PKD1L3: variants seen among roughly 807,000 people sequenced by gnomAD.
PKD1L3 encodes the protein polycystin-1-like protein 3.
PKD1L3 carries 239 observed loss-of-function variants against 184.1 expected under a neutral mutation model. The observed-to-expected ratio is 1.30, with a 90% CI of 1.17 to 1.45. The LOEUF is 1.45. Ranked by LOEUF, PKD1L3 falls within the 40% of genes most tolerant of loss-of-function variation. PKD1L3 has a pLI of 0.00. For missense variants in PKD1L3, 2,660 were observed against 2,067.2 expected (o/e 1.29, Z -5.56); for synonymous variants, 996 against 778.8 (o/e 1.28, Z -4.64).
At chr16:71,945,396 ATATTTATTTATT>A (rs58831890) in intron 22 of PKD1L3, among the ~76,000 whole-genome samples, 3,772 of 41,668 alleles carry the variant, frequency 0.091, 371 homozygotes, top group East Asian at 0.53. Flanking sequence ...ATATATATAT[ATATTTATTTATT>A]TATTTATTTA....
chr16:71,976,771 C>A (rs1001811248), intron 11 of PKD1L3, among the ~76,000 whole-genome samples: 2 of 152,170 alleles, frequency 1.3e-5, no homozygotes, highest in Non-Finnish European at 2.9e-5. Context: ...GAGACGGAGT[C>A]TGTCTCTGTC....
In PKD1L3 at chr16:71,967,157, A is replaced by T. The variant is rs1567523404; in HGVS notation, c.2445T>A (p.Asn815Lys). Residue 815 changes from asparagine (N) to lysine (K), a missense_variant, in exon 15 of 30, where the codon AAT becomes AAA. Physicochemically the swap from Asn to Lys is moderately conservative, Grantham distance 94. Transcript: ENST00000620267. ...CTCACCAGGAGGGACTGACGCCAGAATTGTCATGCCAGAGCCGAAGGCTGT... is the reference window on the plus strand; with the variant it reads ...CTCACCAGGAGGGACTGACGCCAGATTTGTCATGCCAGAGCCGAAGGCTGT... ...NLHSLRLWHD[N>K]SGVSPSWYVS... 1.3e-6 allele frequency: 2 copies of T among 1,551,674 alleles called. No homozygotes were observed. The highest frequency in any genetic ancestry group is 8.7e-7 in the Non-Finnish European group (1 of 1,146,924).
intron 12 of PKD1L3, among the ~76,000 whole-genome samples, chr16:71,971,362 AC>A (rs903542618): frequency 3.9e-5 from 6 of 152,306 alleles, no homozygotes; most frequent in Middle Eastern, 3.4e-3. Context: ...CATGGAAGCT[AC>A]CAATTCTGTG....
At chr16:71,991,156 G>C in intron 3 of PKD1L3, 1 of 184,336 alleles carries the variant, frequency 5.4e-6, no homozygotes, top group East Asian at 1.4e-4. Flanking sequence ...GTTCCTTACA[G>C]ACCCAGCATG....
intron 23 of PKD1L3, among the ~76,000 whole-genome samples, chr16:71,943,558 A>AAAAAC (rs1555514236): frequency 5.3e-5 from 8 of 151,154 alleles, no homozygotes; most frequent in African/African-American, 1.7e-4. Context: ...AAAAAAAAAA[A>AAAAAC]CATAAAATCC....
At chr16:71,977,209 A>T in intron 11 of PKD1L3, 27 bp downstream of exon 11, 1 of 1,455,510 alleles carries the variant, frequency 6.9e-7, no homozygotes, top group Non-Finnish European at 9.4e-7. Flanking sequence ...AATCAAAGTA[A>T]GTTTCTGACA....
chr16:71,963,207 A>G lies in PKD1L3; in HGVS notation c.2610T>C (p.Phe870=). 1 of 1,548,476 alleles carries G rather than the reference A, an allele frequency of 6.5e-7. No homozygotes were observed. The highest frequency in any genetic ancestry group is 8.7e-7 in the Non-Finnish European group (1 of 1,145,518). Reference sequence around the variant, plus strand: ...TAATAGTAATTTTCCAACAGTACCTAAAGGAAAAGAGCTCTCTCTTTGAAA... The same window carrying G: ...TAATAGTAATTTTCCAACAGTACCTGAAGGAAAAGAGCTCTCTCTTTGAAA... ...IPVSKRELFS[F]RHLFSSMIVE... is the part of the protein sequence containing the mutation. The change falls in exon 16 of 30, where the codon TTT becomes TTC. Residue 870 remains phenylalanine, a splice_region_variant and synonymous_variant. Transcript: ENST00000620267.
chr16:71,973,031 T>C (rs1256491753), intron 12 of PKD1L3, among the ~76,000 whole-genome samples: 1 of 152,218 alleles, frequency 6.6e-6, no homozygotes, highest in Non-Finnish European at 1.5e-5. Flanking sequence ...ATTTAATACT[T>C]GTAGAATTTT....
chr16:71,967,853 G>C, intron 14 of PKD1L3, 53 bp downstream of exon 14: 2 of 1,418,382 alleles, frequency 1.4e-6, no homozygotes, highest in South Asian at 1.3e-5. Flanking sequence ...CTCAGAGTGT[G>C]TCTCATGTGG....
chr16:71,993,170 A>G (rs2040656137), intron 3 of PKD1L3, 46 bp downstream of exon 3: 3 of 1,340,486 alleles, frequency 2.2e-6, no homozygotes, highest in Non-Finnish European at 3.1e-6. Context: ...TTTAGCAGAA[A>G]TTGATTCCAC....
At chr16:71,977,560 C>CT (rs1555523481) in intron 10 of PKD1L3, 93 bp from the exon 11 acceptor site, 33,716 of 535,234 alleles carry the variant, frequency 0.063, 720 homozygotes, top group South Asian at 0.095. Context: ...CGTCCTAGCT[C>CT]TTTTTTTTTT....
rs774672455 is a variant in PKD1L3 at position 71,962,643 on chromosome 16, C to T, written c.2612+562G>A. Among the ~76,000 whole-genome samples, 8 of 152,128 alleles carry T rather than the reference C, an allele frequency of 5.3e-5. No individual in the cohort carries two copies. The East Asian group carries it at 7.8e-4, about 15-fold the overall frequency. On this transcript the variant is annotated intron_variant, in intron 16 of 29. Transcript: ENST00000620267. ...CTGGGATCACAGGTGTGCACCACCA[C>T]GCCTGGCTAATTTTTGTATTTTTAG...
At chr16:71,990,787 TATG>T (rs1351741470) in intron 3 of PKD1L3, among the ~76,000 whole-genome samples, 2 of 147,874 alleles carry the variant, frequency 1.4e-5, no homozygotes, top group Non-Finnish European at 3.0e-5. Context: ...AAAGGGAACC[TATG>T]ATGATCACTC....
chr16:71,942,136 G>A (rs767761931), intron 24 of PKD1L3, among the ~76,000 whole-genome samples: 4 of 151,582 alleles, frequency 2.6e-5, no homozygotes, highest in Middle Eastern at 3.2e-3. Flanking sequence ...CAAACATGGC[G>A]AAACCCCATA....
In PKD1L3 at chr16:71,969,899, T is replaced by C. The variant is rs1030449309; in HGVS notation, c.2160A>G (p.Lys720=). Residue 720 remains lysine (K), a synonymous_variant, in exon 13 of 30, where the codon AAA becomes AAG. Coordinates refer to ENST00000620267, the MANE Select transcript of PKD1L3 (RefSeq NM_181536.2). The part of the protein sequence containing the change: ...FYVITVVWAR[K]KDQADMQKVK... ...CCTTCTGCATATCTGCTTGATCCTT[T>C]TTCCGAGCCCACACAACTGTGATCA... 33 of 1,550,412 alleles carry C rather than the reference T, an allele frequency of 2.1e-5. No individual in the cohort carries two copies. The highest frequency in any genetic ancestry group is 2.8e-5 in the Non-Finnish European group (32 of 1,145,670).
chr16:71,951,834 G>C (rs142891577), intron 18 of PKD1L3, 90 bp from the exon 19 acceptor site: 69 of 1,182,356 alleles, frequency 5.8e-5, no homozygotes, highest in Admixed American at 1.6e-4. Flanking sequence ...GTTCCCTTTC[G>C]TCAGAAGGGG....
At chr16:71,969,055 C>G (rs551929949) in intron 13 of PKD1L3, among the ~76,000 whole-genome samples, 1 of 151,846 alleles carries the variant, frequency 6.6e-6, no homozygotes, top group Non-Finnish European at 1.5e-5. Flanking sequence ...CTCAGCCTCC[C>G]GAGCAGCTGG....
At position 71,999,694 on chromosome 16, in the gene PKD1L3, G is replaced by A; in HGVS notation, c.285C>T (p.Asn95=). 1 of 1,545,646 alleles carries A rather than the reference G, an allele frequency of 6.5e-7. No homozygotes were observed. The highest frequency in any genetic ancestry group is 8.7e-7 in the Non-Finnish European group (1 of 1,143,086). Residue 95 remains asparagine, a synonymous_variant, in exon 1 of 30, where the codon AAC becomes AAT. Transcript: ENST00000620267. ...NVMPLKKHQD[N]KYPADVAANG... The stretch of plus-strand genomic sequence containing the variant: ...ACCCCAGGGTCTTACCTGGGTATTT[G>A]TTGTCTTGATGCTTTTTCAATGGCA...
chr16:71,960,191 T>G (rs2039220102), intron 16 of PKD1L3, among the ~76,000 whole-genome samples: 1 of 149,538 alleles, frequency 6.7e-6, no homozygotes, highest in Non-Finnish European at 1.5e-5. Flanking sequence ...CAAAAAAAAC[T>G]ACAAAACCTG....
Sources: allele counts gnomAD v4.1 joint callset (sites outside exome capture counted in the v4.1 genomes callset), GRCh38; gene constraint gnomAD v4.1.1; transcripts MANE v1.5; gene names NCBI Gene and HGNC (gene_info 2026-07-23, HGNC 2026-07-21).